OPCML: variants seen among roughly 807,000 people sequenced by gnomAD.
OPCML encodes opioid-binding protein/cell adhesion molecule.
In OPCML, 13 loss-of-function variants were observed where a neutral mutation model predicts 37.8. The observed-to-expected ratio is 0.34, with a 90% CI of 0.22 to 0.55. The LOEUF (loss-of-function observed/expected upper bound fraction) is 0.55, where lower values mean the gene tolerates loss of function less well. OPCML is among the 20% of genes least tolerant of loss of function. The pLI is 0.91. For synonymous variants in OPCML, 176 were observed against 168.8 expected (o/e 1.04, Z -0.33); for missense variants, 341 against 435.6 (o/e 0.78, Z 1.93).
intron 3 of OPCML, among the ~76,000 whole-genome samples, chr11:132,548,945 T>G (rs566605063): frequency 6.6e-6 from 1 of 152,328 alleles, no homozygotes; most frequent in East Asian, 1.9e-4. Context: ...TCCCATGAAC[T>G]TGATCAATAA....
intron 2 of OPCML, among the ~76,000 whole-genome samples, chr11:132,732,882 A>T (rs1945127189): frequency 6.6e-6 from 1 of 152,162 alleles, no homozygotes; most frequent in East Asian, 1.9e-4. Flanking sequence ...CCTGAAGAAC[A>T]GAAGGCAAGT....
chr11:132,567,577 A>G (rs1056289148), intron 3 of OPCML, among the ~76,000 whole-genome samples: 1 of 152,194 alleles, frequency 6.6e-6, no homozygotes, highest in African/African-American at 2.4e-5. Context: ...TCATAAAGCT[A>G]TTATATTGCT....
intron 1 of OPCML, among the ~76,000 whole-genome samples, chr11:133,070,054 A>C (rs1948499471): frequency 6.6e-6 from 1 of 152,182 alleles, no homozygotes; most frequent in African/African-American, 2.4e-5. Context: ...AGCTTCAATA[A>C]ATATGCAAAG....
chr11:132,686,624 T>A (rs1943168149), intron 2 of OPCML, among the ~76,000 whole-genome samples: 1 of 152,224 alleles, frequency 6.6e-6, no homozygotes, highest in African/African-American at 2.4e-5. Flanking sequence ...GTCCAATTTC[T>A]TTACTGCTCA....
At chr11:133,115,372 A>T (rs1192972509) in intron 1 of OPCML, among the ~76,000 whole-genome samples, 1 of 152,174 alleles carries the variant, frequency 6.6e-6, no homozygotes, top group Non-Finnish European at 1.5e-5. Context: ...TATTACAGTA[A>T]TGGAGGTGAG....
chr11:132,505,351 C>A (rs116535329), intron 4 of OPCML, among the ~76,000 whole-genome samples: 1 of 152,054 alleles, frequency 6.6e-6, no homozygotes, highest in East Asian at 1.9e-4. Context: ...TTCATGTGAT[C>A]GAGCCGTACA....
intron 2 of OPCML, among the ~76,000 whole-genome samples, chr11:132,661,591 A>T (rs10894597): frequency 0.51 from 78,070 of 151,896 alleles, 20,219 homozygotes; most frequent in Middle Eastern, 0.6. Flanking sequence ...ACACTTTTGA[A>T]GTTAAATAAG....
At chr11:132,683,939 G>A (rs1476481751) in intron 2 of OPCML, among the ~76,000 whole-genome samples, 2 of 151,994 alleles carry the variant, frequency 1.3e-5, no homozygotes, top group East Asian at 1.9e-4. Context: ...TAACAGGTAC[G>A]TCATAATTTT....
chr11:133,162,972 T>C (rs1043835278), intron 1 of OPCML, among the ~76,000 whole-genome samples: 2 of 152,134 alleles, frequency 1.3e-5, no homozygotes, highest in African/African-American at 4.8e-5. Flanking sequence ...CTGCTTACAG[T>C]GTATGAAATG....
chr11:132,541,931 T>C (rs1190178064), intron 3 of OPCML, among the ~76,000 whole-genome samples: 1 of 152,210 alleles, frequency 6.6e-6, no homozygotes, highest in African/African-American at 2.4e-5. Context: ...CTCACTTTGA[T>C]GATCTGAGAA....
intron 2 of OPCML, among the ~76,000 whole-genome samples, chr11:132,726,649 C>T (rs1201015601): frequency 6.6e-6 from 1 of 151,976 alleles, no homozygotes; most frequent in African/African-American, 2.4e-5. Flanking sequence ...GTTGAGCGGG[C>T]AGCGTAAGTG....
intron 4 of OPCML, among the ~76,000 whole-genome samples, chr11:132,521,332 G>A (rs939260828): frequency 4.6e-5 from 7 of 152,064 alleles, no homozygotes; most frequent in Admixed American, 1.3e-4. Context: ...TAGATTGCCT[G>A]TTCACTCTGA....
rs548115834 is a variant in OPCML at position 132,730,076 on chromosome 11, C to T, written c.147-72757G>A. Among the ~76,000 whole-genome samples the T allele has an allele frequency of 2.3e-4, 33 of 141,046 alleles. 1 individual carries two copies. Among genetic ancestry groups the T allele is most frequent in the African/African-American group, 8.3e-4 (31 of 37,386 alleles). 92.5% of individuals were successfully genotyped at this position (141,046 alleles called of 152,430 possible). ...TCACCCAGGCTGGAGTACAGTGGCACGATCTCAGCTCACTGAACCCTCCAC... is the reference window on the plus strand; with the variant it reads ...TCACCCAGGCTGGAGTACAGTGGCATGATCTCAGCTCACTGAACCCTCCAC... On this transcript the variant is annotated intron_variant, in intron 2 of 7. Coordinates refer to ENST00000524381, the MANE Select transcript of OPCML (RefSeq NM_001012393.5).
intron 2 of OPCML, among the ~76,000 whole-genome samples, chr11:132,672,920 G>A (rs1410298329): frequency 1.3e-5 from 2 of 152,028 alleles, no homozygotes; most frequent in Non-Finnish European, 2.9e-5. Flanking sequence ...CTTCATTCCA[G>A]GGTAAATGAA....
At chr11:133,195,174 G>T (rs189766813) in intron 1 of OPCML, among the ~76,000 whole-genome samples, 43 of 152,246 alleles carry the variant, frequency 2.8e-4, no homozygotes, top group African/African-American at 8.4e-4. Context: ...GGATACTCAT[G>T]GGGGAAAATG....
intron 1 of OPCML, among the ~76,000 whole-genome samples, chr11:133,469,629 T>A (rs1947059592): frequency 6.6e-6 from 1 of 152,048 alleles, no homozygotes; most frequent in Non-Finnish European, 1.5e-5. Context: ...CCTTGAGGAG[T>A]TCTCATTGCT....
intron 2 of OPCML, among the ~76,000 whole-genome samples, chr11:132,770,617 C>T (rs1242494472): frequency 2.0e-5 from 3 of 152,102 alleles, no homozygotes; most frequent in African/African-American, 7.2e-5. Context: ...CACATGCTTT[C>T]AGGTTAGGCT....
At chr11:132,910,223 G>T (rs1455782350) in intron 2 of OPCML, among the ~76,000 whole-genome samples, 1 of 151,912 alleles carries the variant, frequency 6.6e-6, no homozygotes, top group African/African-American at 2.4e-5. Context: ...GAGTCTGCAG[G>T]CCTCGGGACT....
intron 2 of OPCML, among the ~76,000 whole-genome samples, chr11:132,911,539 C>T (rs988846137): frequency 2.0e-5 from 3 of 152,148 alleles, no homozygotes; most frequent in South Asian, 2.1e-4. Context: ...ACATGTTATG[C>T]GAAAGAAAGT....
Sources: gnomAD v4.1 joint callset for allele counts (sites outside exome capture counted in the v4.1 genomes callset) on GRCh38, gnomAD v4.1.1 for gene constraint, MANE v1.5 for transcripts, NCBI Gene and HGNC (gene_info 2026-07-23, HGNC 2026-07-21) for gene names.